The following KLHL12 variants were observed in gnomAD, a reference collection of about 807,000 sequenced individuals.
KLHL12 encodes the protein kelch like family member 12.
Under a neutral mutation model 60.8 loss-of-function variants are expected in KLHL12, and 17 were observed. That is an observed-to-expected ratio of 0.28 (90% CI 0.19 to 0.42). The LOEUF is 0.42. Among genes scored for constraint, KLHL12 ranks in the 10% least tolerant of loss-of-function variants. KLHL12 has a pLI of 1.00. For synonymous variants in KLHL12, 220 were observed against 250.9 expected (o/e 0.88, Z 1.16); for missense variants, 468 against 722.3 (o/e 0.65, Z 4.04).
chr1:202,917,588 C>T lies in KLHL12; in HGVS notation c.567+583G>A, dbSNP rs549958064. ...CTCACAAGACAGTTATGATTTGGCT[C>T]CTGCTTCTGTAGATCCTCACTTCCA... On this transcript the variant is annotated intron_variant, in intron 4 of 11. Coordinates refer to ENST00000367261, the MANE Select transcript of KLHL12 (RefSeq NM_021633.4). Among the ~76,000 whole-genome samples, 5 of 152,304 alleles carry T rather than the reference C, an allele frequency of 3.3e-5. 1 individual carries two copies. The highest frequency in any genetic ancestry group is 9.6e-5 in the African/African-American group (4 of 41,574).
chr1:202,927,751 G>C (rs1480354112), upstream of KLHL12, among the ~76,000 whole-genome samples: 2 of 150,638 alleles, frequency 1.3e-5, no homozygotes, highest in Non-Finnish European at 3.0e-5. Flanking sequence ...AGGCCGAGGC[G>C]GGTGTATTAC....
rs1179599066 is a variant in KLHL12, at chr1:202,892,077, T to C, written c.*456A>G. 1 of 38,086 alleles carries C rather than the reference T, an allele frequency of 2.6e-5. No homozygotes were observed. The highest frequency in any genetic ancestry group is 8.6e-4 in the East Asian group (1 of 1,162). The allele number at this position is 38,086 out of a possible 1,614,324, so 2.4% of individuals were successfully genotyped here. On this transcript the variant is annotated 3_prime_UTR_variant, in exon 12 of 12. Coordinates refer to ENST00000367261, the MANE Select transcript of KLHL12 (RefSeq NM_021633.4). Reference sequence around the variant, plus strand: ...ACCTGTATATGAGAAAATGTAGTTGTTCCTGGAAAAAAAAAAAAAGACTTG... The same window carrying C: ...ACCTGTATATGAGAAAATGTAGTTGCTCCTGGAAAAAAAAAAAAAGACTTG...
At chr1:202,916,789 G>C (rs1436776327) in intron 4 of KLHL12, among the ~76,000 whole-genome samples, 1 of 151,934 alleles carries the variant, frequency 6.6e-6, no homozygotes, top group African/African-American at 2.4e-5. Context: ...GACCAGCCTG[G>C]GCAACACAGC....
chr1:202,894,733 A>G lies in KLHL12; in HGVS notation c.1152T>C (p.Ser384=), dbSNP rs540568211. The part of the protein sequence containing the change: ...ATTLGDMIYV[S]GGFDGSRRHT... ...GACGCCTGCTTCCATCAAAGCCTCC[A>G]GAGACATAGATCATATCTGCTCAGA... Residue 384 remains serine (S), a synonymous_variant, in exon 9 of 12, where the codon TCT becomes TCC. Transcript: ENST00000367261. The G allele has an allele frequency of 1.9e-6, 3 of 1,613,776 alleles. No individual in the cohort carries two copies. The South Asian group carries it at 3.3e-5, about 18-fold the overall frequency.
chr1:202,917,226 C>G (rs768599246), intron 4 of KLHL12, among the ~76,000 whole-genome samples: 4 of 152,028 alleles, frequency 2.6e-5, no homozygotes, highest in Non-Finnish European at 4.4e-5. Flanking sequence ...TCCTTCTTCC[C>G]CCGCAAGAGA....
chr1:202,899,113 G>A (rs1033349098), intron 6 of KLHL12, among the ~76,000 whole-genome samples: 2 of 151,950 alleles, frequency 1.3e-5, no homozygotes, highest in Non-Finnish European at 2.9e-5. Context: ...AGGAGTTTGA[G>A]ACCAGCCTAG....
At chr1:202,910,972 T>A in intron 5 of KLHL12, 82 bp downstream of exon 5, 5 of 1,501,042 alleles carry the variant, frequency 3.3e-6, no homozygotes, top group Non-Finnish European at 3.7e-6. Flanking sequence ...TGTGCCTACA[T>A]TAAAATACTC....
Position 202,893,533 on chromosome 1 carries a change from G to T in KLHL12, c.1394-108C>A. ...CTAGCTGAGTTCTACAGTAGATGAGGGATATGGAATGGGCCCACACGGGCC... is the reference window on the plus strand; with the variant it reads ...CTAGCTGAGTTCTACAGTAGATGAGTGATATGGAATGGGCCCACACGGGCC... On this transcript the variant is annotated intron_variant, in intron 10 of 11. Transcript: ENST00000367261. The surrounding 1 kb of genome is among the most constrained non-coding windows in gnomAD (Gnocchi z 4.1). 1 of 919,698 alleles carries T rather than the reference G, an allele frequency of 1.1e-6. No homozygotes were observed. Among genetic ancestry groups the T allele is most frequent in the Non-Finnish European group, 1.7e-6 (1 of 602,224 alleles). The allele number at this position is 919,698 out of a possible 1,614,324, so 57.0% of individuals were successfully genotyped here. A position where few individuals can be genotyped will look rare whatever the true frequency, so the allele number is the denominator to read the frequency against.
intron 1 of KLHL12, among the ~76,000 whole-genome samples, chr1:202,926,104 CAAAAAAAA>C: frequency 1.7e-5 from 1 of 59,546 alleles, no homozygotes; most frequent in East Asian, 5.6e-4. Context: ...GACTCTGTCT[CAAAAAAAA>C]AAAAAAAAAA....
At chr1:202,922,088 AACT>A (rs1370078642) in intron 2 of KLHL12, among the ~76,000 whole-genome samples, 9 of 152,214 alleles carry the variant, frequency 5.9e-5, no homozygotes, top group Non-Finnish European at 1.2e-4. Flanking sequence ...TCATTCAATA[AACT>A]ACATTTCCAT....
At chr1:202,904,627 T>C (rs1250323981) in intron 6 of KLHL12, among the ~76,000 whole-genome samples, 1 of 152,204 alleles carries the variant, frequency 6.6e-6, no homozygotes, top group Non-Finnish European at 1.5e-5. Context: ...GAAAAGCTTG[T>C]CTAGGACATC....
chr1:202,915,048 A>G (rs1449176372), intron 4 of KLHL12: 2 of 152,214 alleles, frequency 1.3e-5, no homozygotes, highest in Non-Finnish European at 2.9e-5. Flanking sequence ...AACAGGGAAG[A>G]AAAAACCCAA....
chr1:202,895,403 TAAC>T lies in KLHL12; in HGVS notation c.1135+116_1135+118del. On this transcript the variant is annotated intron_variant, in intron 8 of 11. Transcript: ENST00000367261. The surrounding 1 kb of genome is among the most constrained non-coding windows in gnomAD (Gnocchi z 4.2). ...AGAGAGACCCTGTCTCAAATAATAA[TAAC>T]ATTTGACCTTAATTTTTTCTCCGTA... The T allele has an allele frequency of 1.2e-6, 1 of 854,322 alleles. No homozygotes were observed. Among genetic ancestry groups the T allele is most frequent in the Non-Finnish European group, 1.8e-6 (1 of 549,658 alleles). The allele number at this position is 854,322 out of a possible 1,614,324, so 52.9% of individuals were successfully genotyped here.
intron 8 of KLHL12, among the ~76,000 whole-genome samples, 160 bp from the exon 9 acceptor site, chr1:202,894,909 C>T (rs1233575400): frequency 6.6e-6 from 1 of 152,078 alleles, no homozygotes; most frequent in Non-Finnish European, 1.5e-5. Flanking sequence ...AGGAAGACAT[C>T]TAAAAAGAAT....
intron 2 of KLHL12, among the ~76,000 whole-genome samples, chr1:202,924,171 A>G (rs778489326): frequency 1.4e-4 from 22 of 152,262 alleles, no homozygotes; most frequent in Non-Finnish European, 2.9e-4. Flanking sequence ...ATTACTAAGT[A>G]GTGTTTCTTA....
Position 202,894,613 on chromosome 1 carries a change from G to A in KLHL12, c.1272C>T (p.Ala424=), listed in dbSNP as rs1659774785. The change falls in exon 9 of 12, where the codon GCC becomes GCT. Residue 424 remains alanine (A), a synonymous_variant. Transcript: ENST00000367261. ...TAREGAGLVV[A]SGVIYCLGGY... ...TACCTAGACAGTAGATCACTCCACTGGCCACTACGAGTCCGGCACCTTCCC... is the reference window on the plus strand; with the variant it reads ...TACCTAGACAGTAGATCACTCCACTAGCCACTACGAGTCCGGCACCTTCCC... 2 of 1,614,036 alleles carry A rather than the reference G, an allele frequency of 1.2e-6. No homozygotes were observed. Among genetic ancestry groups the A allele is most frequent in the Non-Finnish European group, 1.7e-6 (2 of 1,179,996 alleles).
intron 4 of KLHL12, among the ~76,000 whole-genome samples, 186 bp downstream of exon 4, chr1:202,917,985 G>A (rs1407573843): frequency 1.3e-5 from 2 of 152,144 alleles, no homozygotes; most frequent in Non-Finnish European, 2.9e-5. Context: ...ATATCTAATT[G>A]AAGAAAGTGG....
intron 6 of KLHL12, 66 bp from the exon 7 acceptor site, chr1:202,897,026 G>A (rs1016724511): frequency 1.7e-6 from 2 of 1,191,724 alleles, no homozygotes; most frequent in Admixed American, 3.4e-5. Context: ...TAGTCACAGG[G>A]AAGTGTCAAC....
intron 2 of KLHL12, among the ~76,000 whole-genome samples, chr1:202,922,874 G>C (rs1660741143): frequency 6.6e-6 from 1 of 152,114 alleles, no homozygotes; most frequent in South Asian, 2.1e-4. Context: ...AAGAGAGAGA[G>C]AGAGAGACAA....
Sources: gnomAD v4.1 joint callset for allele counts (sites outside exome capture counted in the v4.1 genomes callset) on GRCh38, gnomAD v4.1.1 for gene constraint, Gnocchi (gnomAD v3.1) non-coding constraint, MANE v1.5 for transcripts, NCBI Gene and HGNC (gene_info 2026-07-23, HGNC 2026-07-21) for gene names.